Variants in PMPCB observed in about 807,000 individuals in gnomAD.
PMPCB encodes the protein peptidase, mitochondrial processing subunit beta.
In PMPCB, 46 loss-of-function variants were observed where a neutral mutation model predicts 61.5. The observed-to-expected ratio is 0.75, with a 90% CI of 0.59 to 0.96. The LOEUF (loss-of-function observed/expected upper bound fraction) is 0.96, where lower values mean the gene tolerates loss of function less well. Among genes scored for constraint, PMPCB ranks in the 40% least tolerant of loss-of-function variants. PMPCB has a pLI of 0.00. For missense variants in PMPCB, 590 were observed against 602.4 expected (o/e 0.98, Z 0.22); for synonymous variants, 191 against 201.6 (o/e 0.95, Z 0.44).
chr7:103,344,915 G>A, the PMPCB span: 1 of 555,400 alleles, frequency 1.8e-6, no homozygotes, highest in South Asian at 2.4e-5. Flanking sequence ...AGGCGCATCA[G>A]TTTTCCTGTA....
chr7:103,344,970 C>A, the PMPCB span: 2 of 429,304 alleles, frequency 4.7e-6, no homozygotes, highest in Non-Finnish European at 4.1e-6. Context: ...TAGAACATAA[C>A]CTTTAAAAGC....
chr7:103,334,343 C>T (rs919279369), downstream of PMPCB, among the ~76,000 whole-genome samples: 2 of 151,626 alleles, frequency 1.3e-5, no homozygotes, highest in Non-Finnish European at 2.9e-5. Context: ...AGGTGGATCA[C>T]TTGAACTCAG....
intron 4 of PMPCB, among the ~76,000 whole-genome samples, chr7:103,302,480 A>G (rs1038440631): frequency 5.9e-5 from 9 of 152,096 alleles, no homozygotes; most frequent in Admixed American, 3.9e-4. Context: ...ATAAAGGAGG[A>G]TTTTCACACA....
At chr7:103,319,628 T>C, downstream of PMPCB, 1 of 1,614,158 alleles carries the variant, frequency 6.2e-7, no homozygotes. Flanking sequence ...CAAAGCAGCC[T>C]TTCCTACTTC....
chr7:103,312,827 T>A lies in PMPCB; in HGVS notation c.*556T>A. ...TTTCTTCCTCATAATATTGACCCCA[T>A]AACTACTGGTTTTGAAATAAGCACT... On this transcript the variant is annotated 3_prime_UTR_variant, in exon 13 of 13. Transcript: ENST00000249269. 6.6e-7 allele frequency: 1 copy of A among 1,522,416 alleles called. No individual in the cohort carries two copies. Among genetic ancestry groups the A allele is most frequent in the African/African-American group, 1.4e-5 (1 of 71,918 alleles). The allele number at this position is 1,522,416 out of a possible 1,614,324, so 94.3% of individuals were successfully genotyped here. A position where few individuals can be genotyped will look rare whatever the true frequency, so the allele number is the denominator to read the frequency against.
Position 103,298,696 on chromosome 7 carries a change from C to G in PMPCB, c.228C>G (p.Leu76=), listed in dbSNP as rs1044343158. Residue 76 remains leucine, a synonymous_variant, in exon 2 of 13, where the codon CTC becomes CTG. Transcript: ENST00000249269. Reference sequence around the variant, plus strand: ...GAGTAGCTTCGGAAGACTCTGGGCTCTCAACATGCACAGTAAGTGACTCAG... The same window carrying G: ...GAGTAGCTTCGGAAGACTCTGGGCTGTCAACATGCACAGTAAGTGACTCAG... The part of the protein sequence containing the change: ...GLRVASEDSG[L]STCTVGLWID... The G allele has an allele frequency of 2.5e-6, 4 of 1,613,722 alleles. No individual in the cohort carries two copies. The African/African-American group carries it at 4.0e-5, about 16-fold the overall frequency.
chr7:103,337,953 T>C, the PMPCB span: 1 of 629,826 alleles, frequency 1.6e-6, no homozygotes. Flanking sequence ...AACCAGGGTC[T>C]ATGGTCAGGT....
At chr7:103,341,745 A>G in the PMPCB span, 6 of 1,521,724 alleles carry the variant, frequency 3.9e-6, no homozygotes, top group Non-Finnish European at 5.3e-6. Flanking sequence ...ACTGAACAAA[A>G]TATTCAGATA....
At chr7:103,316,846 C>T (rs758317404), downstream of PMPCB, 5 of 1,613,380 alleles carry the variant, frequency 3.1e-6, no homozygotes, top group Non-Finnish European at 4.2e-6. Flanking sequence ...TTTGTTCCAG[C>T]AGGGAACAGA....
chr7:103,337,784 G>C, the PMPCB span: 1 of 1,613,490 alleles, frequency 6.2e-7, no homozygotes. Context: ...ACATGGCCAA[G>C]TCCAAGAACT....
At chr7:103,311,758 A>G (rs1191907753) in intron 10 of PMPCB, 30 bp downstream of exon 10, 2 of 1,603,352 alleles carry the variant, frequency 1.2e-6, no homozygotes, top group Non-Finnish European at 1.7e-6. Context: ...TTCTGTTTTC[A>G]TATGGTTGAT....
chr7:103,334,075 C>T (rs1403389858), downstream of PMPCB, among the ~76,000 whole-genome samples: 3 of 151,782 alleles, frequency 2.0e-5, no homozygotes, highest in Admixed American at 2.0e-4. Flanking sequence ...CTCAGCCACG[C>T]GAGTAGCTGC....
Position 103,311,835 on chromosome 7 carries a change from G to A in PMPCB, c.1268G>A (p.Gly423Asp). 6.2e-7 allele frequency: 1 copy of A among 1,613,088 alleles called. No homozygotes were observed. Among genetic ancestry groups the A allele is most frequent in the Non-Finnish European group, 8.5e-7 (1 of 1,179,316 alleles). The change falls in exon 11 of 13, where the codon GGT (glycine) becomes GAT (aspartate). Residue 423 changes from glycine (G) to aspartate (D), a missense_variant. Physicochemically the swap from Gly to Asp is moderately conservative, Grantham distance 94 (BLOSUM62 -1). Coordinates refer to ENST00000249269, the MANE Select transcript of PMPCB (RefSeq NM_004279.3). ...TCAACTCCAATTTGTGAAGATATTGGTAGGCAAATGTTATGCTATAATAGA... is the reference window on the plus strand; with the variant it reads ...TCAACTCCAATTTGTGAAGATATTGATAGGCAAATGTTATGCTATAATAGA... The part of the protein sequence containing the change: ...DGSTPICEDI[G>D]RQMLCYNRRI...
the PMPCB span, among the ~76,000 whole-genome samples, chr7:103,342,497 G>T: frequency 6.6e-6 from 1 of 151,726 alleles, no homozygotes; most frequent in Admixed American, 6.6e-5. Flanking sequence ...TAGAGATGGG[G>T]TTTCTCCATG....
At chr7:103,322,187 G>C in intron 12 of PMPCB, 1 of 869,574 alleles carries the variant, frequency 1.1e-6, no homozygotes, top group Non-Finnish European at 1.6e-6. Flanking sequence ...AGGAAAAAAG[G>C]CAACATAAAC....
downstream of PMPCB, among the ~76,000 whole-genome samples, chr7:103,333,543 GCATT>G (rs1296076376): frequency 4.6e-5 from 7 of 152,286 alleles, no homozygotes; most frequent in East Asian, 1.3e-3. Flanking sequence ...CAGATTTTAA[GCATT>G]CATTAAGTTC....
At chr7:103,309,226 A>G in intron 8 of PMPCB, 131 bp downstream of exon 8, 1 of 671,236 alleles carries the variant, frequency 1.5e-6, no homozygotes, top group Non-Finnish European at 2.2e-6. Flanking sequence ...CTGACTTAAA[A>G]ATATAAACTG....
At chr7:103,340,670 C>A in the PMPCB span, among the ~76,000 whole-genome samples, 1 of 152,186 alleles carries the variant, frequency 6.6e-6, no homozygotes, top group Non-Finnish European at 1.5e-5. Flanking sequence ...CACTCCAATT[C>A]CACAGCATAC....
At chr7:103,326,311 T>C (rs1228920363) in intron 12 of PMPCB, among the ~76,000 whole-genome samples, 3 of 152,128 alleles carry the variant, frequency 2.0e-5, no homozygotes, top group Non-Finnish European at 4.4e-5. Flanking sequence ...TCCCATAAAT[T>C]GTACAGAAAT....
Sources: gnomAD v4.1 joint callset for allele counts (sites outside exome capture counted in the v4.1 genomes callset) on GRCh38, gnomAD v4.1.1 for gene constraint, MANE v1.5 for transcripts, NCBI Gene and HGNC (gene_info 2026-07-23, HGNC 2026-07-21) for gene names.